Variants in HTT observed in about 807,000 individuals in gnomAD.
HTT encodes the protein huntington disease protein.
In HTT, 104 loss-of-function variants were observed where a neutral mutation model predicts 362.3. The observed-to-expected ratio is 0.29, with a 90% CI of 0.24 to 0.34. The LOEUF is 0.34. Ranked by LOEUF, HTT falls within the 10% of genes least tolerant of loss-of-function variation. The pLI is 1.00. For missense variants in HTT, 3,301 were observed against 3,928.6 expected, an observed-to-expected ratio of 0.84 and a Z score of 4.27; for synonymous variants, 1,577 against 1,548.7, an observed-to-expected ratio of 1.02 and a Z score of -0.43.
intron 6 of HTT, chr4:3,113,190 A>G (rs1714850693): frequency 6.0e-6 from 1 of 165,358 alleles, no homozygotes; most frequent in Non-Finnish European, 1.2e-5. Context: ...GATTGTAGAG[A>G]TTAGACCTGA....
At chr4:3,094,620 G>GCGGGGGCTGCCCCCCACCTCCCGGA (rs1168597229) in intron 2 of HTT, among the ~76,000 whole-genome samples, 5 of 144,024 alleles carry the variant, frequency 3.5e-5, no homozygotes, top group African/African-American at 1.3e-4. Context: ...GGCTGGCCGG[G>GCGGGGGCTGCCCCCCACCTCCCGGA]CGGGGGCTGC....
chr4:3,121,145 T>G (rs539065543), intron 8 of HTT, 83 bp from the exon 9 acceptor site: 1 of 918,600 alleles, frequency 1.1e-6, no homozygotes, highest in African/African-American at 1.6e-5. Flanking sequence ...GTCAATGAAG[T>G]CCTATTAAAA....
intron 37 of HTT, 39 bp downstream of exon 37, chr4:3,182,509 T>G: frequency 1.5e-6 from 2 of 1,318,214 alleles, no homozygotes; most frequent in South Asian, 2.4e-5. Flanking sequence ...TGCATAGTGA[T>G]GGTAGCTTAA....
At position 3,215,768 on chromosome 4, in the gene HTT, A is replaced by G. The variant is rs184672347; in HGVS notation, c.7054+557A>G. Among the ~76,000 whole-genome samples the G allele has an allele frequency of 1.6e-3, 244 of 152,272 alleles. 2 individuals are homozygous for G. Among genetic ancestry groups the G allele is most frequent in the Admixed American group, 2.9e-3 (45 of 15,302 alleles). On this transcript the variant is annotated intron_variant, in intron 51 of 66. Transcript: ENST00000355072. ...TTAAGCCAGTTATAGACTTAGACAT[A>G]TACTACGGCTTTTCATGCACTTTCC...
intron 56 of HTT, among the ~76,000 whole-genome samples, chr4:3,225,085 G>A (rs1720844729): frequency 6.6e-6 from 1 of 152,074 alleles, no homozygotes; most frequent in Admixed American, 6.5e-5. Context: ...GGGACATTTA[G>A]CGGGAGGCTG....
chr4:3,145,640 T>C (rs931769738), intron 24 of HTT, among the ~76,000 whole-genome samples: 7 of 152,264 alleles, frequency 4.6e-5, no homozygotes, highest in Admixed American at 6.5e-5. Flanking sequence ...TAACAGCTTT[T>C]ATTTAAAAAT....
intron 57 of HTT, among the ~76,000 whole-genome samples, chr4:3,226,579 C>A (rs1285389732): frequency 1.3e-5 from 2 of 152,246 alleles, no homozygotes; most frequent in Admixed American, 6.5e-5. Context: ...GGCCGACTTG[C>A]ACCTTTCCCT....
In HTT at chr4:3,116,187, A is replaced by G. The variant is rs770229623; in HGVS notation, c.992A>G (p.Asp331Gly). 1.2e-6 allele frequency: 2 copies of G among 1,614,084 alleles called. No homozygotes were observed. Among genetic ancestry groups the G allele is most frequent in the South Asian group, 2.2e-5 (2 of 91,086 alleles). ...CCCTTGCTGCAGCAGCAGGTCAAGG[A>G]CACAAGCCTGAAAGGCAGCTTCGGA... ...LVPLLQQQVK[D>G]TSLKGSFGVT... Residue 331 changes from aspartate to glycine, a missense_variant, in exon 8 of 67, where the codon GAC (aspartate) becomes GGC (glycine). Physicochemically the swap from Asp to Gly is moderately conservative, Grantham distance 94 (BLOSUM62 -1). Transcript: ENST00000355072.
At chr4:3,084,414 C>CGCG (rs1365112380) in intron 1 of HTT, among the ~76,000 whole-genome samples, 1 of 151,888 alleles carries the variant, frequency 6.6e-6, no homozygotes, top group Non-Finnish European at 1.5e-5. Flanking sequence ...TCAGGTCGGA[C>CGCG]GTGGTGGCTC....
intron 27 of HTT, 79 bp from the exon 28 acceptor site, chr4:3,156,993 A>T: frequency 8.3e-7 from 1 of 1,198,864 alleles, no homozygotes; most frequent in Admixed American, 2.4e-5. Flanking sequence ...TTAAAAAATC[A>T]TGATTTCCAG....
rs201867856 is a variant in HTT, at chr4:3,206,767, CA to C, written c.5899-36del. Reference sequence around the variant, plus strand: ...ATTTTTAACTTTAATTTCTGATTTGCAAAATAGTCATCTTTTGTTCTTTTCC... The same window carrying C: ...ATTTTTAACTTTAATTTCTGATTTGCAAATAGTCATCTTTTGTTCTTTTCC... On this transcript the variant is annotated intron_variant, in intron 43 of 66. Coordinates refer to ENST00000355072, the MANE Select transcript of HTT (RefSeq NM_001388492.1). This position sits in a 1 kb window ranked among gnomAD's most constrained non-coding sequence, Gnocchi z 4.6. 12 of 1,589,096 alleles carry C rather than the reference CA, an allele frequency of 7.6e-6. No individual in the cohort carries two copies. In the East Asian group the frequency reaches 2.7e-4, roughly 36 times the overall value.
In HTT at chr4:3,074,876, C is replaced by CCAGCAGCAGCAG. The variant is rs71180116; in HGVS notation, c.99_110dup (p.Gln35_Gln38dup). ...AGGCCTTCGAGTCCCTCAAGTCCTT[C>CCAGCAGCAGCAG]CAGCAGCAGCAGCAGCAGCAGCAGC... On this transcript the variant is annotated inframe_insertion, in exon 1 of 67. Coordinates refer to ENST00000355072, the MANE Select transcript of HTT (RefSeq NM_001388492.1). 16,068 of 1,357,398 alleles carry CCAGCAGCAGCAG rather than the reference C, an allele frequency of 0.012. 239 individuals are homozygous for CCAGCAGCAGCAG. Among genetic ancestry groups the CCAGCAGCAGCAG allele is most frequent in the Admixed American group, 0.03 (1,290 of 43,674 alleles). 84.1% of individuals were successfully genotyped at this position (1,357,398 alleles called of 1,614,324 possible). A position where few individuals can be genotyped will look rare whatever the true frequency, so the allele number is the denominator to read the frequency against.
intron 23 of HTT, among the ~76,000 whole-genome samples, chr4:3,144,666 C>G (rs1033475245): frequency 6.6e-6 from 1 of 152,204 alleles, no homozygotes; most frequent in East Asian, 1.9e-4. Flanking sequence ...TTATAGAAGA[C>G]TAAATATTGT....
chr4:3,202,170 G>A (rs1196000300), intron 41 of HTT, among the ~76,000 whole-genome samples: 1 of 152,162 alleles, frequency 6.6e-6, no homozygotes, highest in East Asian at 1.9e-4. Context: ...TGGGTGTGTT[G>A]TGGTACACAT....
At position 3,148,103 on chromosome 4, in the gene HTT, C is replaced by T. The variant is rs969646953; in HGVS notation, c.3394C>T (p.Arg1132Trp). 15 of 1,613,996 alleles carry T rather than the reference C, an allele frequency of 9.3e-6. No homozygotes were observed. Among genetic ancestry groups the T allele is most frequent in the Admixed American group, 1.7e-5 (1 of 59,998 alleles). Residue 1132 changes from arginine to tryptophan, a missense_variant, in exon 26 of 67, where the codon CGG (arginine) becomes TGG (tryptophan). Arg to Trp is a moderately radical substitution (Grantham distance 101). Around this residue, in one of 4 missense-constraint regions of HTT, gnomAD observed 2,316 missense variants for 2,658.5 expected, o/e 0.87. Transcript: ENST00000355072. Reference sequence around the variant, plus strand: ...GGAGGTCTGGCCAGCCCTGGGGGACCGGGCCCTGGTGCCCATGGTGGAGCA... The same window carrying T: ...GGAGGTCTGGCCAGCCCTGGGGGACTGGGCCCTGGTGCCCATGGTGGAGCA... Reference protein sequence around the residue: ...QEEVWPALGDRALVPMVEQLF... With the variant: ...QEEVWPALGDWALVPMVEQLF...
intron 33 of HTT, among the ~76,000 whole-genome samples, chr4:3,176,386 T>C (rs2110236030): frequency 6.6e-6 from 1 of 152,322 alleles, no homozygotes; most frequent in South Asian, 2.1e-4. Context: ...GCCTGATGCT[T>C]TCATCTTTCT....
chr4:3,187,913 T>A, intron 39 of HTT, 27 bp downstream of exon 39: 1 of 1,396,578 alleles, frequency 7.2e-7, no homozygotes, highest in Non-Finnish European at 1.0e-6. Flanking sequence ...AGCCTATAAC[T>A]AACCCATGCC....
intron 6 of HTT, 114 bp from the exon 7 acceptor site, chr4:3,115,190 C>T: frequency 1.0e-5 from 11 of 1,093,372 alleles, no homozygotes; most frequent in Non-Finnish European, 1.4e-5. Context: ...AAGCCTCAAA[C>T]TGTTTATACT....
intron 19 of HTT, among the ~76,000 whole-genome samples, chr4:3,135,261 T>G (rs1359888113): frequency 1.3e-5 from 2 of 151,838 alleles, no homozygotes; most frequent in African/African-American, 4.8e-5. Flanking sequence ...GAGCTGTGGT[T>G]GCAGTGAGCC....
Sources: allele counts gnomAD v4.1 joint callset (sites outside exome capture counted in the v4.1 genomes callset), GRCh38; gene constraint gnomAD v4.1.1; regional missense constraint gnomAD v4.1.1; non-coding constraint Gnocchi (gnomAD v3.1); transcripts MANE v1.5; gene names NCBI Gene and HGNC (gene_info 2026-07-23, HGNC 2026-07-21).